Variants in CPEB3 observed in about 807,000 individuals in gnomAD.
CPEB3 encodes the protein cytoplasmic polyadenylation element-binding protein 3.
Under a neutral mutation model 67.2 loss-of-function variants are expected in CPEB3, and 20 were observed. The ratio of observed to expected loss-of-function variants is 0.30; its 90% CI spans 0.21 to 0.43. CPEB3 has a LOEUF of 0.43. Ranked by LOEUF, CPEB3 falls within the 20% of genes least tolerant of loss-of-function variation. The probability of loss-of-function intolerance (pLI) is 1.00; values close to 1 mark genes in which losing one functional copy is unlikely to be tolerated. For missense variants in CPEB3, 746 were observed against 968.6 expected (o/e 0.77, Z 3.05); for synonymous variants, 376 against 393.1 (o/e 0.96, Z 0.51).
At chr10:92,182,541 G>T (rs1848502676) in intron 3 of CPEB3, among the ~76,000 whole-genome samples, 1 of 152,094 alleles carries the variant, frequency 6.6e-6, no homozygotes, top group Non-Finnish European at 1.5e-5. Context: ...AAGAGGTAGG[G>T]AAGGCCGGGC....
Position 92,216,364 on chromosome 10 carries a change from C to T in CPEB3, c.1005+22982G>A, listed in dbSNP as rs919270289. The T allele has an allele frequency of 2.5e-6, 4 of 1,610,452 alleles. No individual in the cohort carries two copies. In the African/African-American group the frequency reaches 5.3e-5, roughly 22 times the overall value. ...AAATAAAGGCAGATCCCGAAGGGCC[C>T]GAGGCTCAGGCGGAGGTGTGTTCCG... On this transcript the variant is annotated intron_variant, in intron 2 of 9. Transcript: ENST00000265997.
At position 92,245,196 on chromosome 10, in the gene CPEB3, G is replaced by C. The variant is rs192647947; in HGVS notation, c.-11-4835C>G. Among the ~76,000 whole-genome samples the C allele has an allele frequency of 2.6e-3, 364 of 142,270 alleles. 4 individuals carry two copies. Among genetic ancestry groups the C allele is most frequent in the African/African-American group, 9.1e-3 (343 of 37,564 alleles). The allele number at this position is 142,270 out of a possible 152,430, so 93.3% of individuals were successfully genotyped here. A position where few individuals can be genotyped will look rare whatever the true frequency, so the allele number is the denominator to read the frequency against. On this transcript the variant is annotated intron_variant, in intron 1 of 9. Coordinates refer to ENST00000265997, the MANE Select transcript of CPEB3 (RefSeq NM_014912.5). ...TCTGTCACCCAGGCTGGAGTGCAGTGGTGTGATCTCGGCTCACTGCAACCT... is the reference window on the plus strand; with the variant it reads ...TCTGTCACCCAGGCTGGAGTGCAGTCGTGTGATCTCGGCTCACTGCAACCT...
At chr10:92,240,387 G>A in intron 1 of CPEB3, 26 bp from the exon 2 acceptor site, 5 of 1,437,502 alleles carry the variant, frequency 3.5e-6, no homozygotes, top group Non-Finnish European at 3.7e-6. Flanking sequence ...AGAGAGACGC[G>A]TTATTGTCAA....
rs761306247 is a variant in CPEB3 at position 92,240,164 on chromosome 10, G to C, written c.187C>G (p.Pro63Ala). 7.5e-5 allele frequency: 116 copies of C among 1,547,124 alleles called. No homozygotes were observed. In the East Asian group the frequency reaches 2.4e-3, roughly 33 times the overall value. ...ATCTTGTCCGGGCCGTTGGGGGCCG[G>C]GGGGGCAGCGGCTGGGCTGAGGGCC... ...VPALSPAAAP[P>A]APNGPDKMQM... The change falls in exon 2 of 10, where the codon CCG becomes GCG. Residue 63 changes from proline to alanine, a missense_variant. By Grantham distance (27) the Pro-to-Ala change is conservative. Transcript: ENST00000265997.
Position 92,240,267 on chromosome 10 carries a change from A to C in CPEB3, c.84T>G (p.Pro28=), listed in dbSNP as rs570113813. 62 of 1,515,682 alleles carry C rather than the reference A, an allele frequency of 4.1e-5. No individual in the cohort carries two copies. The African/African-American group carries it at 8.2e-4, about 20-fold the overall frequency. 93.9% of individuals were successfully genotyped at this position (1,515,682 alleles called of 1,614,324 possible). A position where few individuals can be genotyped will look rare whatever the true frequency, so the allele number is the denominator to read the frequency against. ...ACGGGGCTTCGGATACGCTGGACTC[A>C]GGTTGGGGCTGCTGCTGCTGCCGCT... ...QQQRQQQQPQ[P]ESSVSEAPST... The change falls in exon 2 of 10, where the codon CCT becomes CCG. Residue 28 remains proline, a synonymous_variant. Transcript: ENST00000265997.
chr10:92,258,894 A>C (rs1398575592), intron 1 of CPEB3, among the ~76,000 whole-genome samples: 1 of 150,008 alleles, frequency 6.7e-6, no homozygotes, highest in African/African-American at 2.5e-5. Context: ...TCTTGACCTC[A>C]TGATTCGCCT....
chr10:92,072,209 C>T (rs1388393965), intron 9 of CPEB3, among the ~76,000 whole-genome samples: 1 of 152,186 alleles, frequency 6.6e-6, no homozygotes, highest in Non-Finnish European at 1.5e-5. Context: ...ATAAAAGGAA[C>T]TTAAGTCTTT....
At chr10:92,187,334 T>C (rs183878787) in intron 3 of CPEB3, among the ~76,000 whole-genome samples, 1 of 152,348 alleles carries the variant, frequency 6.6e-6, no homozygotes, top group East Asian at 1.9e-4. Flanking sequence ...ACACCTGTTC[T>C]TTTCACTTTT....
chr10:92,240,425 C>T, intron 1 of CPEB3, 64 bp from the exon 2 acceptor site: 3 of 1,374,728 alleles, frequency 2.2e-6, no homozygotes, highest in Admixed American at 3.3e-5. Context: ...CTCGCTGAAG[C>T]GGGCGGGTGT....
chr10:92,198,982 T>G (rs567059221), intron 2 of CPEB3, among the ~76,000 whole-genome samples: 1 of 152,248 alleles, frequency 6.6e-6, no homozygotes, highest in African/African-American at 2.4e-5. Flanking sequence ...AATGTGGTCA[T>G]TGAAAACAGA....
At chr10:92,124,218 G>C (rs1375870808) in intron 6 of CPEB3, among the ~76,000 whole-genome samples, 2 of 152,180 alleles carry the variant, frequency 1.3e-5, no homozygotes, top group Non-Finnish European at 2.9e-5. Context: ...TGAACAAGAT[G>C]TTTCTGTTAT....
intron 4 of CPEB3, among the ~76,000 whole-genome samples, chr10:92,169,642 A>C (rs184891801): frequency 6.6e-6 from 1 of 152,314 alleles, no homozygotes; most frequent in Non-Finnish European, 1.5e-5. Flanking sequence ...ACACAACTAG[A>C]AAACCAAAGA....
intron 6 of CPEB3, chr10:92,137,727 A>G (rs187464301): frequency 1.8e-4 from 71 of 400,030 alleles, no homozygotes; most frequent in East Asian, 4.9e-4. Context: ...GGCTGGGTGC[A>G]GTGGCTCACG....
At chr10:92,113,075 A>G (rs1361884043) in intron 6 of CPEB3, among the ~76,000 whole-genome samples, 1 of 152,234 alleles carries the variant, frequency 6.6e-6, no homozygotes, top group Non-Finnish European at 1.5e-5. Flanking sequence ...ACTCCCTAGC[A>G]TAGCAGGCAG....
chr10:92,212,291 A>G (rs1850136112), intron 2 of CPEB3, among the ~76,000 whole-genome samples: 1 of 150,482 alleles, frequency 6.6e-6, no homozygotes, highest in African/African-American at 2.4e-5. Context: ...ACAGTGTACA[A>G]CAAGACAGTT....
At position 92,239,752 on chromosome 10, in the gene CPEB3, G is replaced by A. The variant is rs1480722227; in HGVS notation, c.599C>T (p.Pro200Leu). 1 of 1,475,382 alleles carries A rather than the reference G, an allele frequency of 6.8e-7. No homozygotes were observed. Among genetic ancestry groups the A allele is most frequent in the East Asian group, 2.7e-5 (1 of 37,574 alleles). 91.4% of individuals were successfully genotyped at this position (1,475,382 alleles called of 1,614,324 possible). ...CGCGGCGGCGCTCCTCTGCGCGTAG[G>A]GCGCCTGGCTGGGGCTGGCGGGTGA... ...RRSPASPSQAPYAQRSAAAAY... is the reference protein window; with the variant it reads ...RRSPASPSQALYAQRSAAAAY... Residue 200 changes from proline to leucine, a missense_variant, in exon 2 of 10, where the codon CCC becomes CTC. Pro to Leu is a moderately conservative substitution (Grantham distance 98). This residue lies in a region of CPEB3 where 643 missense variants were observed against 717.5 expected (regional missense o/e 0.90). Coordinates refer to ENST00000265997, the MANE Select transcript of CPEB3 (RefSeq NM_014912.5). The surrounding 1 kb of genome is among the most constrained non-coding windows in gnomAD (Gnocchi z 6.0).
intron 4 of CPEB3, among the ~76,000 whole-genome samples, chr10:92,165,822 T>C (rs1218683531): frequency 1.3e-5 from 2 of 152,192 alleles, no homozygotes; most frequent in African/African-American, 2.4e-5. Flanking sequence ...ATTATAACAA[T>C]TTGGTCACAT....
chr10:92,148,047 C>A (rs1464483844), intron 4 of CPEB3, among the ~76,000 whole-genome samples: 2 of 152,178 alleles, frequency 1.3e-5, no homozygotes, highest in Non-Finnish European at 2.9e-5. Context: ...ACTTCTACCT[C>A]GTACCCCACA....
chr10:92,159,532 C>T (rs1368347191), intron 4 of CPEB3, among the ~76,000 whole-genome samples: 2 of 151,670 alleles, frequency 1.3e-5, no homozygotes, highest in African/African-American at 2.4e-5. Flanking sequence ...ATTAGCCAGG[C>T]GTGATGGAGG....
Sources: allele counts gnomAD v4.1 joint callset (sites outside exome capture counted in the v4.1 genomes callset), GRCh38; gene constraint gnomAD v4.1.1; regional missense constraint gnomAD v4.1.1; non-coding constraint Gnocchi (gnomAD v3.1); transcripts MANE v1.5; gene names NCBI Gene and HGNC (gene_info 2026-07-23, HGNC 2026-07-21).